PRRC2A: variants seen among roughly 807,000 people sequenced by gnomAD.
PRRC2A encodes the protein protein PRRC2A.
A neutral mutation model predicts 224.6 loss-of-function variants in PRRC2A; 59 were observed. That is an observed-to-expected ratio of 0.26 (90% CI 0.21 to 0.33). The LOEUF (loss-of-function observed/expected upper bound fraction) is 0.33. PRRC2A is among the 10% of genes least tolerant of loss of function. The pLI, the probability that PRRC2A is intolerant of heterozygous loss-of-function variation, is 1.00. For synonymous variants in PRRC2A, 1,194 were observed against 1,109.5 expected (o/e 1.08, Z -1.51); for missense variants, 3,095 against 2,880.7 (o/e 1.07, Z -1.70).
At position 31,628,535 on chromosome 6, in the gene PRRC2A, G is replaced by C. The variant is rs1776175710; in HGVS notation, c.1765+296G>C. The C allele has an allele frequency of 2.1e-5, 10 of 470,746 alleles. No individual in the cohort carries two copies. In the South Asian group the frequency reaches 4.2e-4, roughly 20 times the overall value. 29.2% of individuals were successfully genotyped at this position (470,746 alleles called of 1,614,324 possible). A position where few individuals can be genotyped will look rare whatever the true frequency, so the allele number is the denominator to read the frequency against. On this transcript the variant is annotated intron_variant, in intron 12 of 30. Transcript: ENST00000376033. Reference sequence around the variant, plus strand: ...CTTGAGCCTAGGGAGTTTGAGACCAGCCTGGGCAACAAAGCAAGACCCTGT... The same window carrying C: ...CTTGAGCCTAGGGAGTTTGAGACCACCCTGGGCAACAAAGCAAGACCCTGT...
chr6:31,627,691 AT>A lies in PRRC2A; in HGVS notation c.1291-71del, dbSNP rs1366850953. 1.3e-6 allele frequency: 2 copies of A among 1,541,650 alleles called. No homozygotes were observed. Among genetic ancestry groups the A allele is most frequent in the African/African-American group, 2.8e-5 (2 of 72,712 alleles). ...TGCATCCTGCAAGTAGCGACAGTTGATTTGTTGTAAAAGAGATGATAGAAAG... is the reference window on the plus strand; with the variant it reads ...TGCATCCTGCAAGTAGCGACAGTTGATTGTTGTAAAAGAGATGATAGAAAG... On this transcript the variant is annotated intron_variant, in intron 11 of 30. Coordinates refer to ENST00000376033, the MANE Select transcript of PRRC2A (RefSeq NM_004638.4). This position sits in a 1 kb window ranked among gnomAD's most constrained non-coding sequence, Gnocchi z 5.6.
At position 31,632,329 on chromosome 6, in the gene PRRC2A, C is replaced by T. The variant is rs41273264; in HGVS notation, c.3656C>T (p.Ser1219Phe). ...LKEKLIPGPLSPVARGGSNGG... is the reference protein window; with the variant it reads ...LKEKLIPGPLFPVARGGSNGG... ...GAGAAGTTGATCCCAGGGCCTCTGT[C>T]CCCTGTGGCGCGCGGAGGCAGCAAT... Residue 1219 changes from serine to phenylalanine, a missense_variant, in exon 16 of 31, where the codon TCC (serine) becomes TTC (phenylalanine). Ser to Phe is a radical substitution (Grantham distance 155, BLOSUM62 -2). Around this residue, in one of 8 missense-constraint regions of PRRC2A, gnomAD observed 2,001 missense variants for 1,764.9 expected, o/e 1.13. Coordinates refer to ENST00000376033, the MANE Select transcript of PRRC2A (RefSeq NM_004638.4). 4 of 1,613,428 alleles carry T rather than the reference C, an allele frequency of 2.5e-6. No individual in the cohort carries two copies. The highest frequency in any genetic ancestry group is 3.3e-4 in the Middle Eastern group (2 of 6,062).
chr6:31,636,677 G>C lies in PRRC2A; in HGVS notation c.5935-56G>C. On this transcript the variant is annotated intron_variant, in intron 27 of 30. Coordinates refer to ENST00000376033, the MANE Select transcript of PRRC2A (RefSeq NM_004638.4). The surrounding 1 kb of genome is among the most constrained non-coding windows in gnomAD (Gnocchi z 4.3). ...CCAGTTGCTGGCTTTGATTTTCCCT[G>C]GTTTTCTGACATTCCTCCCTGCCCC... 1.3e-6 allele frequency: 2 copies of C among 1,595,410 alleles called. No homozygotes were observed. Among genetic ancestry groups the C allele is most frequent in the African/African-American group, 1.3e-5 (1 of 74,642 alleles).
chr6:31,635,480 G>C lies in PRRC2A; in HGVS notation c.5373+15G>C. The C allele has an allele frequency of 1.2e-6, 2 of 1,613,742 alleles. No homozygotes were observed. Among genetic ancestry groups the C allele is most frequent in the Non-Finnish European group, 8.5e-7 (1 of 1,179,786 alleles). ...CAGTCACTGAGGTAAGTGGGAGTAA[G>C]AGTTTGGTGGAAAGGCCCAAGATTT... On this transcript the variant is annotated intron_variant, in intron 23 of 30. Coordinates refer to ENST00000376033, the MANE Select transcript of PRRC2A (RefSeq NM_004638.4).
rs557548439 is a variant in PRRC2A, at chr6:31,624,358, G to A, written c.388G>A (p.Glu130Lys). The A allele has an allele frequency of 1.2e-5, 19 of 1,613,610 alleles. No homozygotes were observed. Among genetic ancestry groups the A allele is most frequent in the African/African-American group, 1.1e-4 (8 of 75,012 alleles). The change falls in exon 4 of 31, where the codon GAG becomes AAG. Residue 130 changes from glutamate (E) to lysine (K), a missense_variant and splice_region_variant. By Grantham distance (56) the Glu-to-Lys change is moderately conservative. Coordinates refer to ENST00000376033, the MANE Select transcript of PRRC2A (RefSeq NM_004638.4). The stretch of plus-strand genomic sequence containing the variant: ...GCCGAAACGACCCCCAGCAGCCCCC[G>A]AGGTACCTGGAGAACTGGAGGGGTG... ...NQPKRPPAAPENTPLVPSGVK... is the reference protein window; with the variant it reads ...NQPKRPPAAPKNTPLVPSGVK...
Position 31,625,343 on chromosome 6 carries a change from T to C in PRRC2A, c.607+29T>C. ...AGTGGCTGCCTTTTGGCCAAGACAT[T>C]ACCTATTGCATCTCAGAGCTAGGTG... On this transcript the variant is annotated intron_variant, in intron 6 of 30. Coordinates refer to ENST00000376033, the MANE Select transcript of PRRC2A (RefSeq NM_004638.4). This position sits in a 1 kb window ranked among gnomAD's most constrained non-coding sequence, Gnocchi z 4.1. The C allele has an allele frequency of 6.2e-7, 1 of 1,614,166 alleles. No individual in the cohort carries two copies. The highest frequency in any genetic ancestry group is 8.5e-7 in the Non-Finnish European group (1 of 1,180,030).
chr6:31,628,141 A>G lies in PRRC2A; in HGVS notation c.1667A>G (p.Gln556Arg). The change falls in exon 12 of 31, where the codon CAA becomes CGA. Residue 556 changes from glutamine (Q) to arginine (R), a missense_variant. Coordinates refer to ENST00000376033, the MANE Select transcript of PRRC2A (RefSeq NM_004638.4). ...GAGCCAGCACAGGCCCCTCCTGCCC[A>G]ATCTACTCCTACTCCAGGTGTGGCT... The part of the protein sequence containing the change: ...PEEPAQAPPA[Q>R]STPTPGVAAA... The G allele has an allele frequency of 6.2e-7, 1 of 1,613,120 alleles. No individual in the cohort carries two copies. Among genetic ancestry groups the G allele is most frequent in the Non-Finnish European group, 8.5e-7 (1 of 1,180,008 alleles).
rs756087886 is a variant in PRRC2A at position 31,631,461 on chromosome 6, C to T, written c.2788C>T (p.Pro930Ser). ...SRTETRWGPR[P>S]GSSRRGIPPE... Reference sequence around the variant, plus strand: ...CACAGAGACCCGCTGGGGCCCTCGTCCAGGGAGCAGTCGTCGTGGAATCCC... The same window carrying T: ...CACAGAGACCCGCTGGGGCCCTCGTTCAGGGAGCAGTCGTCGTGGAATCCC... The change falls in exon 16 of 31, where the codon CCA becomes TCA. Residue 930 changes from proline to serine, a missense_variant. Physicochemically the swap from Pro to Ser is moderately conservative, Grantham distance 74. Transcript: ENST00000376033. The surrounding 1 kb of genome is among the most constrained non-coding windows in gnomAD (Gnocchi z 4.5). 6.2e-7 allele frequency: 1 copy of T among 1,610,236 alleles called. No homozygotes were observed. The highest frequency in any genetic ancestry group is 8.5e-7 in the Non-Finnish European group (1 of 1,178,736).
rs1777421751 is a variant in PRRC2A at position 31,636,908 on chromosome 6, C to T, written c.6110C>T (p.Pro2037Leu). Residue 2037 changes from proline (P) to leucine (L), a missense_variant, in exon 28 of 31, where the codon CCT (proline) becomes CTT (leucine). Physicochemically the swap from Pro to Leu is moderately conservative, Grantham distance 98. Transcript: ENST00000376033. The surrounding 1 kb of genome is among the most constrained non-coding windows in gnomAD (Gnocchi z 4.3). ...CCTGCTACTCGGGTGCTGCCTTCACCTGCCAGGCCCTTCCCCGCTAGCTTG... is the reference window on the plus strand; with the variant it reads ...CCTGCTACTCGGGTGCTGCCTTCACTTGCCAGGCCCTTCCCCGCTAGCTTG... ...PAPATRVLPS[P>L]ARPFPASLGR... 2 of 1,612,922 alleles carry T rather than the reference C, an allele frequency of 1.2e-6. No homozygotes were observed. Among genetic ancestry groups the T allele is most frequent in the Admixed American group, 3.3e-5 (2 of 59,994 alleles).
At chr6:31,623,566 C>T (rs1261142627) in intron 2 of PRRC2A, among the ~76,000 whole-genome samples, 166 bp from the exon 3 acceptor site, 20 of 152,076 alleles carry the variant, frequency 1.3e-4, no homozygotes. Context: ...CCACAATCAG[C>T]GCGATTTCAG....
rs1222636928 is a variant in PRRC2A at position 31,625,044 on chromosome 6, C to T, written c.464-127C>T. The T allele has an allele frequency of 2.0e-5, 22 of 1,087,358 alleles. No individual in the cohort carries two copies. Among genetic ancestry groups the T allele is most frequent in the African/African-American group, 6.3e-5 (4 of 63,302 alleles). The allele number at this position is 1,087,358 out of a possible 1,614,324, so 67.4% of individuals were successfully genotyped here. ...CGATCTCTTGACCTCGTGATCCGCC[C>T]GCCTCAGCCTCCCAGAGTGCTGGGA... On this transcript the variant is annotated intron_variant, in intron 5 of 30. Coordinates refer to ENST00000376033, the MANE Select transcript of PRRC2A (RefSeq NM_004638.4). This position sits in a 1 kb window ranked among gnomAD's most constrained non-coding sequence, Gnocchi z 4.1.
chr6:31,634,442 T>C, intron 19 of PRRC2A, 30 bp from the exon 20 acceptor site: 1 of 1,612,784 alleles, frequency 6.2e-7, no homozygotes, highest in Non-Finnish European at 8.5e-7. Context: ...ATCTCCTCAC[T>C]TCTCTTCTGG....
At position 31,632,417 on chromosome 6, in the gene PRRC2A, T is replaced by C; in HGVS notation, c.3744T>C (p.Ala1248=). 2 of 1,608,766 alleles carry C rather than the reference T, an allele frequency of 1.2e-6. No individual in the cohort carries two copies. The highest frequency in any genetic ancestry group is 2.2e-5 in the East Asian group (1 of 44,786). The change falls in exon 16 of 31, where the codon GCT becomes GCC. Residue 1248 remains alanine (A), a synonymous_variant. Transcript: ENST00000376033. ...ERPRRRRHGR[A]QQQDKPPRFR... is the part of the protein sequence containing the mutation. ...CCCGAAGGAGGCGACATGGGAGGGC[T>C]CAGCAGCAGGATAAACCGCCTCGTT...
chr6:31,625,202 C>G lies in PRRC2A; in HGVS notation c.495C>G (p.Phe165Leu). 1 of 1,613,068 alleles carries G rather than the reference C, an allele frequency of 6.2e-7. No individual in the cohort carries two copies. Among genetic ancestry groups the G allele is most frequent in the South Asian group, 1.1e-5 (1 of 91,082 alleles). ...GGRASSLLSR[F>L]SREEFPTLQA... is the part of the protein sequence containing the mutation. ...GGGCATCAAGCCTACTGTCACGATT[C>G]TCTCGAGAGGAATTTCCGACCCTGC... The change falls in exon 6 of 31, where the codon TTC becomes TTG. Residue 165 changes from phenylalanine to leucine, a missense_variant. Coordinates refer to ENST00000376033, the MANE Select transcript of PRRC2A (RefSeq NM_004638.4). The surrounding 1 kb of genome is among the most constrained non-coding windows in gnomAD (Gnocchi z 4.1).
chr6:31,632,313 A>G lies in PRRC2A; in HGVS notation c.3640A>G (p.Ile1214Val). 1 of 1,613,326 alleles carries G rather than the reference A, an allele frequency of 6.2e-7. No homozygotes were observed. The highest frequency in any genetic ancestry group is 8.5e-7 in the Non-Finnish European group (1 of 1,179,990). The change falls in exon 16 of 31, where the codon ATC (isoleucine) becomes GTC (valine). Residue 1214 changes from isoleucine to valine, a missense_variant. Around this residue, in one of 8 missense-constraint regions of PRRC2A, gnomAD observed 2,001 missense variants for 1,764.9 expected, o/e 1.13. Transcript: ENST00000376033. ...PSKEPLKEKLIPGPLSPVARG... is the reference protein window; with the variant it reads ...PSKEPLKEKLVPGPLSPVARG... ...TAAGGAGCCTTTGAAAGAGAAGTTG[A>G]TCCCAGGGCCTCTGTCCCCTGTGGC...
chr6:31,626,093 T>A lies in PRRC2A; in HGVS notation c.913T>A (p.Ser305Thr). Reference sequence around the variant, plus strand: ...CTTAGTAGAGCCTGTGGGTCGTCCCTCTATTCTCAAAGAGGATAATCTCAA... The same window carrying A: ...CTTAGTAGAGCCTGTGGGTCGTCCCACTATTCTCAAAGAGGATAATCTCAA... ...MRLVEPVGRP[S>T]ILKEDNLKEF... Residue 305 changes from serine (S) to threonine (T), a missense_variant, in exon 9 of 31, where the codon TCT (serine) becomes ACT (threonine). Physicochemically the swap from Ser to Thr is moderately conservative, Grantham distance 58 (BLOSUM62 1). Transcript: ENST00000376033. 1 of 1,612,960 alleles carries A rather than the reference T, an allele frequency of 6.2e-7. No homozygotes were observed. The highest frequency in any genetic ancestry group is 1.1e-5 in the South Asian group (1 of 91,080).
At chr6:31,626,477 A>G (rs922204106) in intron 9 of PRRC2A, among the ~76,000 whole-genome samples, 1 of 151,906 alleles carries the variant, frequency 6.6e-6, no homozygotes, top group Non-Finnish European at 1.5e-5. Context: ...GGATCAGTTG[A>G]GCCCAGGAGT....
At chr6:31,630,256 G>C (rs1239553076) in intron 14 of PRRC2A, among the ~76,000 whole-genome samples, 2 of 152,246 alleles carry the variant, frequency 1.3e-5, no homozygotes, top group Admixed American at 6.5e-5. Flanking sequence ...GGTGGAGGTT[G>C]TAGTGAGCCG....
At position 31,625,922 on chromosome 6, in the gene PRRC2A, G is replaced by T. The variant is rs1253367516; in HGVS notation, c.839+51G>T. On this transcript the variant is annotated intron_variant, in intron 8 of 30. Transcript: ENST00000376033. This position sits in a 1 kb window ranked among gnomAD's most constrained non-coding sequence, Gnocchi z 4.1. ...GGCTGGGGGCAGGGGAAGCTTATTG[G>T]GGGAGGAGATGGTTTTCTAGCCAGG... is the stretch of plus-strand genomic sequence containing the variant. 1 of 1,581,130 alleles carries T rather than the reference G, an allele frequency of 6.3e-7. No homozygotes were observed.
Sources: allele counts gnomAD v4.1 joint callset (sites outside exome capture counted in the v4.1 genomes callset), GRCh38; gene constraint gnomAD v4.1.1; regional missense constraint gnomAD v4.1.1; non-coding constraint Gnocchi (gnomAD v3.1); transcripts MANE v1.5; gene names NCBI Gene and HGNC (gene_info 2026-07-23, HGNC 2026-07-21).